SLC12A8: variants seen among roughly 807,000 people sequenced by gnomAD.
SLC12A8 encodes the protein cation-chloride cotransporter 9.
In SLC12A8, 69 loss-of-function variants were observed where a neutral mutation model predicts 75.6. The ratio of observed to expected loss-of-function variants is 0.91; its 90% CI spans 0.75 to 1.11. The LOEUF (loss-of-function observed/expected upper bound fraction) is 1.11, where lower values mean the gene tolerates loss of function less well. SLC12A8 is among the 50% of genes most tolerant of loss of function. The probability of loss-of-function intolerance (pLI) is 0.00; values close to 1 mark genes in which losing one functional copy is unlikely to be tolerated. For synonymous variants in SLC12A8, 365 were observed against 372.8 expected (o/e 0.98, Z 0.24); for missense variants, 877 against 896.7 (o/e 0.98, Z 0.28).
At chr3:125,186,595 T>C (rs932732625) in intron 4 of SLC12A8, among the ~76,000 whole-genome samples, 3 of 152,230 alleles carry the variant, frequency 2.0e-5, no homozygotes, top group Non-Finnish European at 1.5e-5. Flanking sequence ...TGTCTGTACT[T>C]TGTTCCCTCA....
intron 8 of SLC12A8, among the ~76,000 whole-genome samples, chr3:125,115,971 C>T (rs181007177): frequency 1.1e-4 from 16 of 152,272 alleles, no homozygotes; most frequent in African/African-American, 2.2e-4. Context: ...AAAGAAACTC[C>T]GCCCTTGCAC....
chr3:125,112,367 T>A (rs1170879003), intron 8 of SLC12A8, among the ~76,000 whole-genome samples: 1 of 152,194 alleles, frequency 6.6e-6, no homozygotes, highest in Non-Finnish European at 1.5e-5. Context: ...CAATGTCATC[T>A]AGTGTTTCCA....
chr3:125,085,632 C>T (rs1938436573), intron 13 of SLC12A8, among the ~76,000 whole-genome samples: 1 of 152,174 alleles, frequency 6.6e-6, no homozygotes, highest in Non-Finnish European at 1.5e-5. Flanking sequence ...GGCTGGAGTG[C>T]AGTGGTTGAT....
chr3:125,211,303 T>C lies in SLC12A8; in HGVS notation c.47A>G (p.Gln16Arg), dbSNP rs1210153033. ...CCTGGCACATCCTGAGCCTACCTGC[T>C]GGGCTGCCTCATGGAAGAGCTCCTG... ...QVQELFHEAA[Q>R]QDALAQPQPW... The change falls in exon 2 of 14, where the codon CAG (glutamine) becomes CGG (arginine). Residue 16 changes from glutamine (Q) to arginine (R), a missense_variant. Physicochemically the swap from Gln to Arg is conservative, Grantham distance 43. Transcript: ENST00000469902. 3 of 1,613,476 alleles carry C rather than the reference T, an allele frequency of 1.9e-6. No individual in the cohort carries two copies. Among genetic ancestry groups the C allele is most frequent in the Non-Finnish European group, 2.5e-6 (3 of 1,179,840 alleles).
intron 10 of SLC12A8, 21 bp downstream of exon 10, chr3:125,107,460 G>C: frequency 6.3e-7 from 1 of 1,587,312 alleles, no homozygotes; most frequent in South Asian, 1.1e-5. Context: ...AGAGGCCCCA[G>C]TGTGATACCA....
chr3:125,148,680 C>A (rs1933846310), intron 5 of SLC12A8, among the ~76,000 whole-genome samples: 1 of 152,202 alleles, frequency 6.6e-6, no homozygotes, highest in South Asian at 2.1e-4. Flanking sequence ...CACCACAGAG[C>A]CCACTCTCTG....
At chr3:125,177,447 C>A (rs931752643) in intron 5 of SLC12A8, among the ~76,000 whole-genome samples, 1 of 151,714 alleles carries the variant, frequency 6.6e-6, no homozygotes, top group African/African-American at 2.4e-5. Context: ...ATGTTGTGCA[C>A]ATGTTATCCT....
At chr3:125,147,967 T>C (rs959798045) in intron 5 of SLC12A8, among the ~76,000 whole-genome samples, 19 of 152,184 alleles carry the variant, frequency 1.2e-4, no homozygotes, top group Admixed American at 9.8e-4. Context: ...AGGCCTCTTA[T>C]AAACATTATC....
intron 2 of SLC12A8, among the ~76,000 whole-genome samples, chr3:125,198,784 T>C (rs568531443): frequency 6.6e-6 from 1 of 151,668 alleles, no homozygotes; most frequent in African/African-American, 2.4e-5. Context: ...AATAGGATTT[T>C]TTTTTTTTTT....
At chr3:125,101,637 ATC>A (rs1327073049) in intron 10 of SLC12A8, among the ~76,000 whole-genome samples, 3 of 152,216 alleles carry the variant, frequency 2.0e-5, no homozygotes, top group African/African-American at 2.4e-5. Context: ...TAGTTAAAAA[ATC>A]TCTCTTGCAC....
chr3:125,146,455 AAAAAC>A (rs1245787961), intron 5 of SLC12A8, among the ~76,000 whole-genome samples: 4 of 152,236 alleles, frequency 2.6e-5, no homozygotes, highest in African/African-American at 4.8e-5. Context: ...TACCACAATA[AAAAAC>A]AAAACAAAAC....
chr3:125,150,406 T>C (rs1933890095), intron 5 of SLC12A8, among the ~76,000 whole-genome samples: 1 of 152,160 alleles, frequency 6.6e-6, no homozygotes, highest in African/African-American at 2.4e-5. Context: ...CAGGTAACAA[T>C]GTGTGAGTCA....
chr3:125,175,186 A>G (rs1182292249), intron 5 of SLC12A8, among the ~76,000 whole-genome samples: 1 of 152,270 alleles, frequency 6.6e-6, no homozygotes, highest in African/African-American at 2.4e-5. Context: ...TAATTTAGCC[A>G]CATATAATCT....
chr3:125,102,855 A>G (rs1938916992), intron 10 of SLC12A8, among the ~76,000 whole-genome samples: 1 of 152,204 alleles, frequency 6.6e-6, no homozygotes, highest in Non-Finnish European at 1.5e-5. Flanking sequence ...GACTGAGCAG[A>G]GCAGAGGAGA....
intron 10 of SLC12A8, among the ~76,000 whole-genome samples, chr3:125,093,479 T>C (rs1248621220): frequency 6.6e-6 from 1 of 152,196 alleles, no homozygotes. Flanking sequence ...TCCTGGAATC[T>C]ATCTGGGATC....
At chr3:125,191,752 C>A (rs552166636) in intron 2 of SLC12A8, among the ~76,000 whole-genome samples, 1 of 152,172 alleles carries the variant, frequency 6.6e-6, no homozygotes, top group Non-Finnish European at 1.5e-5. Context: ...TCTTCCACCT[C>A]CTGTATCAGA....
intron 2 of SLC12A8, among the ~76,000 whole-genome samples, chr3:125,197,889 G>A (rs1444605514): frequency 2.0e-5 from 3 of 152,232 alleles, no homozygotes; most frequent in Non-Finnish European, 4.4e-5. Context: ...GCTAGTGAGT[G>A]AGGGATTAAT....
In SLC12A8 at chr3:125,186,128, T is replaced by C. The variant is rs552443979; in HGVS notation, c.390+1109A>G. 1.9e-4 allele frequency among the ~76,000 whole-genome samples: 29 copies of C among 151,892 alleles called. No homozygotes were observed. In the South Asian group the frequency reaches 5.9e-3, roughly 31 times the overall value. On this transcript the variant is annotated intron_variant, in intron 4 of 13. Coordinates refer to ENST00000469902, the MANE Select transcript of SLC12A8 (RefSeq NM_024628.6). ...GGATTTTGCCTACCTTGCAGCCTGG[T>C]TGGCTATAAAATAGCAGAGAAGTAA... is the stretch of plus-strand genomic sequence containing the variant.
chr3:125,114,054 T>C (rs1188653105), intron 8 of SLC12A8, among the ~76,000 whole-genome samples: 1 of 152,186 alleles, frequency 6.6e-6, no homozygotes, highest in East Asian at 1.9e-4. Context: ...AACGCTTTTT[T>C]TCCTCCCACA....
Sources: gnomAD v4.1 joint callset for allele counts (sites outside exome capture counted in the v4.1 genomes callset) on GRCh38, gnomAD v4.1.1 for gene constraint, MANE v1.5 for transcripts, NCBI Gene and HGNC (gene_info 2026-07-23, HGNC 2026-07-21) for gene names.